The following ARPP21 variants were observed in gnomAD, a reference collection of about 807,000 sequenced individuals.
ARPP21 encodes cAMP regulated phosphoprotein 21, also known as cAMP-regulated phosphoprotein 21.
ARPP21 carries 69 observed loss-of-function variants against 113.2 expected under a neutral mutation model. The observed-to-expected ratio is 0.61, with a 90% CI of 0.50 to 0.74. The LOEUF is 0.74. Ranked by LOEUF, ARPP21 falls within the 30% of genes least tolerant of loss-of-function variation. ARPP21 has a pLI of 0.00. For missense variants in ARPP21, 1,070 were observed against 1,037.4 expected (o/e 1.03, Z -0.43); for synonymous variants, 368 against 375.5 (o/e 0.98, Z 0.23).
At chr3:35,741,784 C>G (rs2094678498) in intron 18 of ARPP21, among the ~76,000 whole-genome samples, 1 of 152,120 alleles carries the variant, frequency 6.6e-6, no homozygotes, top group African/African-American at 2.4e-5. Context: ...TCCTTTCAAA[C>G]CTTTCATACT....
upstream of ARPP21, among the ~76,000 whole-genome samples, chr3:35,639,334 C>G (rs540019636): frequency 8.8e-3 from 1,340 of 151,866 alleles, 22 homozygotes; most frequent in African/African-American, 0.031. The surrounding 1 kb of genome is among the most constrained non-coding windows in gnomAD (Gnocchi z 5.0). Flanking sequence ...GTCCGGCTGC[C>G]GCCACCTCCC....
At chr3:35,780,066 A>G (rs1435885640) in intron 19 of ARPP21, among the ~76,000 whole-genome samples, 1 of 152,178 alleles carries the variant, frequency 6.6e-6, no homozygotes, top group Non-Finnish European at 1.5e-5. Flanking sequence ...CCCCCTCTGC[A>G]CTGGCAAGGC....
At chr3:35,788,587 A>G (rs1188274050) in intron 19 of ARPP21, among the ~76,000 whole-genome samples, 1 of 152,214 alleles carries the variant, frequency 6.6e-6, no homozygotes, top group East Asian at 1.9e-4. Context: ...AACAGCAGGC[A>G]TACTAGAAAT....
Position 35,794,058 on chromosome 3 carries a change from A to G in ARPP21, c.*100A>G. On this transcript the variant is annotated 3_prime_UTR_variant, in exon 21 of 21. Transcript: ENST00000684406. ...GGCTGAGGACTTAAGTATTCACTCA[A>G]CACTCAAATGATTGCTGCTGGTATT... The G allele has an allele frequency of 9.8e-7, 1 of 1,017,902 alleles. No individual in the cohort carries two copies. The highest frequency in any genetic ancestry group is 2.2e-5 in the Admixed American group (1 of 44,490). The allele number at this position is 1,017,902 out of a possible 1,614,324, so 63.1% of individuals were successfully genotyped here. A position where few individuals can be genotyped will look rare whatever the true frequency, so the allele number is the denominator to read the frequency against.
intron 10 of ARPP21, among the ~76,000 whole-genome samples, chr3:35,708,174 T>C (rs1234766459): frequency 6.6e-6 from 1 of 152,094 alleles, no homozygotes; most frequent in Non-Finnish European, 1.5e-5. Flanking sequence ...TCATGTTTAG[T>C]GGGTGTCTGT....
At chr3:35,769,452 A>G (rs955563442) in intron 19 of ARPP21, among the ~76,000 whole-genome samples, 1 of 152,152 alleles carries the variant, frequency 6.6e-6, no homozygotes, top group Non-Finnish European at 1.5e-5. Flanking sequence ...TGTGGTTCCA[A>G]AGGAAATAGG....
At chr3:35,678,260 G>A (rs963998806) in intron 1 of ARPP21, among the ~76,000 whole-genome samples, 2 of 152,006 alleles carry the variant, frequency 1.3e-5, no homozygotes, top group Middle Eastern at 3.4e-3. Context: ...GGGTCTTAAA[G>A]AGAAATCAAA....
In ARPP21 at chr3:35,667,841, A is replaced by AAGAAGAAGAAGAAGAAG. The variant is rs1559547262; in HGVS notation, c.-212-11945_-212-11944insGAAGAAGAAGAAGAAGA. ...GATCACCTGCAGTACTTTTATTCTC[A>AAGAAGAAGAAGAAGAAG]AAGAAGAAGAAGAAGAAGAAGAAGA... On this transcript the variant is annotated intron_variant, in intron 1 of 20. Coordinates refer to ENST00000684406, the MANE Select transcript of ARPP21 (RefSeq NM_001385562.1). 3.7e-4 allele frequency among the ~76,000 whole-genome samples: 30 copies of AAGAAGAAGAAGAAGAAG among 81,534 alleles called. 1 individual carries two copies. Among genetic ancestry groups the AAGAAGAAGAAGAAGAAG allele is most frequent in the African/African-American group, 1.5e-3 (25 of 16,778 alleles). The allele number at this position is 81,534 out of a possible 152,430, so 53.5% of individuals were successfully genotyped here.
chr3:35,710,658 A>T (rs778329776), intron 11 of ARPP21, among the ~76,000 whole-genome samples: 2 of 152,062 alleles, frequency 1.3e-5, no homozygotes, highest in Non-Finnish European at 2.9e-5. Context: ...GAAAATACAA[A>T]TCACACATAA....
Position 35,690,131 on chromosome 3 carries a change from C to A in ARPP21, c.536C>A (p.Ala179Asp). Reference sequence around the variant, plus strand: ...GAGCAGGAAATTATTGATTTCATTGCTGACAACAAGTATGTTAAACTTCAA... The same window carrying A: ...GAGCAGGAAATTATTGATTTCATTGATGACAACAAGTATGTTAAACTTCAA... ...KMEQEIIDFI[A>D]DNNNHYKKFP... Residue 179 changes from alanine (A) to aspartate (D), a missense_variant, in exon 8 of 21, where the codon GCT becomes GAT. By Grantham distance (126) the Ala-to-Asp change is moderately radical. Coordinates refer to ENST00000684406, the MANE Select transcript of ARPP21 (RefSeq NM_001385562.1). The A allele has an allele frequency of 6.9e-7, 1 of 1,456,832 alleles. No homozygotes were observed. The highest frequency in any genetic ancestry group is 9.6e-7 in the Non-Finnish European group (1 of 1,038,576). 90.2% of individuals were successfully genotyped at this position (1,456,832 alleles called of 1,614,324 possible).
intron 5 of ARPP21, chr3:35,684,317 C>T: frequency 1.8e-6 from 2 of 1,081,786 alleles, no homozygotes; most frequent in Non-Finnish European, 2.2e-6. Context: ...GGAGATTTCT[C>T]AATACTGCAA....
At chr3:35,712,368 C>T (rs1477829064) in intron 11 of ARPP21, among the ~76,000 whole-genome samples, 1 of 150,420 alleles carries the variant, frequency 6.6e-6, no homozygotes, top group Non-Finnish European at 1.5e-5. Context: ...TCAAATATTG[C>T]TTAAGTGTAT....
chr3:35,751,208 T>C (rs1266495175), intron 19 of ARPP21, among the ~76,000 whole-genome samples: 1 of 152,172 alleles, frequency 6.6e-6, no homozygotes, highest in Non-Finnish European at 1.5e-5. Context: ...ATTCTGAAAC[T>C]GTAGGGATGT....
intron 9 of ARPP21, among the ~76,000 whole-genome samples, chr3:35,698,470 T>C (rs1337607697): frequency 6.6e-6 from 1 of 151,630 alleles, no homozygotes; most frequent in Non-Finnish European, 1.5e-5. Flanking sequence ...TTCTGTGGAG[T>C]CATGATATGT....
At chr3:35,701,851 A>G (rs1208375763) in intron 9 of ARPP21, among the ~76,000 whole-genome samples, 1 of 151,536 alleles carries the variant, frequency 6.6e-6, no homozygotes, top group Non-Finnish European at 1.5e-5. Context: ...AGCGCAGTAG[A>G]ACAATTAAGA....
At chr3:35,662,982 T>C (rs183933298) in intron 1 of ARPP21, among the ~76,000 whole-genome samples, 12 of 152,078 alleles carry the variant, frequency 7.9e-5, no homozygotes, top group African/African-American at 2.9e-4. Context: ...TACAGCAAGA[T>C]AGAAGGAATA....
At chr3:35,766,997 G>A (rs573405570) in intron 19 of ARPP21, among the ~76,000 whole-genome samples, 29 of 152,254 alleles carry the variant, frequency 1.9e-4, no homozygotes, top group African/African-American at 7.0e-4. Flanking sequence ...GCTTGGAATT[G>A]GGGTTAAACT....
At chr3:35,689,932 T>C in intron 7 of ARPP21, 149 bp from the exon 8 acceptor site, 1 of 549,110 alleles carries the variant, frequency 1.8e-6, no homozygotes, top group South Asian at 2.7e-5. Context: ...AAATAATATG[T>C]AAATGGTCAG....
intron 1 of ARPP21, chr3:35,651,906 A>C (rs1242237045): frequency 1.3e-5 from 2 of 152,060 alleles, no homozygotes. Flanking sequence ...TCCGTTTTCA[A>C]CACAGCTATA....
Sources: gnomAD v4.1 joint callset for allele counts (sites outside exome capture counted in the v4.1 genomes callset) on GRCh38, gnomAD v4.1.1 for gene constraint, Gnocchi (gnomAD v3.1) non-coding constraint, MANE v1.5 for transcripts, NCBI Gene and HGNC (gene_info 2026-07-23, HGNC 2026-07-21) for gene names.